Variants in ZNF709 observed in about 807,000 individuals in gnomAD.
The protein encoded by ZNF709 is zinc finger protein 709.
In ZNF709, 15 loss-of-function variants were observed where a neutral mutation model predicts 10.6. That is an observed-to-expected ratio of 1.41 (90% CI 0.95 to 2.18). The LOEUF (loss-of-function observed/expected upper bound fraction) is 2.18. ZNF709 is among the 30% of genes most tolerant of loss of function. The pLI, the probability that ZNF709 is intolerant of heterozygous loss-of-function variation, is 0.00. For missense variants in ZNF709, 589 were observed against 774.0 expected, an observed-to-expected ratio of 0.76 and a Z score of 2.84; for synonymous variants, 194 against 238.8, an observed-to-expected ratio of 0.81 and a Z score of 1.73.
In ZNF709 at chr19:12,484,747, G is replaced by C; in HGVS notation, c.-90C>G. On this transcript the variant is annotated 5_prime_UTR_variant, in exon 1 of 4. Coordinates refer to ENST00000397732, the MANE Select transcript of ZNF709 (RefSeq NM_152601.4). ...TCCACCTGAGGCCCTTCCTCCACCT[G>C]AGGGCCTTCTGGGGTGAGGAGACCC... 6.4e-7 allele frequency: 1 copy of C among 1,574,780 alleles called. No individual in the cohort carries two copies. Among genetic ancestry groups the C allele is most frequent in the Non-Finnish European group, 8.7e-7 (1 of 1,145,100 alleles).
intron 1 of ZNF709, among the ~76,000 whole-genome samples, chr19:12,468,656 T>TCC (rs1214014180): frequency 3.1e-5 from 3 of 95,546 alleles, no homozygotes; most frequent in Non-Finnish European, 6.3e-5. Flanking sequence ...CCCTGCCAAA[T>TCC]CCCCCTCTGC....
At chr19:12,479,702 C>T (rs1244018909) in intron 1 of ZNF709, among the ~76,000 whole-genome samples, 1 of 152,074 alleles carries the variant, frequency 6.6e-6, no homozygotes, top group Non-Finnish European at 1.5e-5. Context: ...AACCTCGTCT[C>T]TACTAAAATA....
rs1025771805 is a variant in ZNF709, at chr19:12,462,745, T to C, written c.*1251A>G. On this transcript the variant is annotated 3_prime_UTR_variant, in exon 4 of 4. Coordinates refer to ENST00000397732, the MANE Select transcript of ZNF709 (RefSeq NM_152601.4). ...TAAAAATTACCAAATTGTCATTTTT[T>C]GATGGCCCATTACAGCACAACTAAA... 6.6e-6 allele frequency: 1 copy of C among 152,174 alleles called. No individual in the cohort carries two copies. The highest frequency in any genetic ancestry group is 1.5e-5 in the Non-Finnish European group (1 of 68,032). The allele number at this position is 152,174 out of a possible 1,614,324, so 9.4% of individuals were successfully genotyped here.
At chr19:12,467,849 G>T (rs1970592080) in intron 1 of ZNF709, among the ~76,000 whole-genome samples, 1 of 151,810 alleles carries the variant, frequency 6.6e-6, no homozygotes, top group Non-Finnish European at 1.5e-5. Flanking sequence ...TCTGAGAAGT[G>T]AGGAGACCCT....
At chr19:12,467,051 G>C (rs8113309) in intron 1 of ZNF709, among the ~76,000 whole-genome samples, 115,562 of 152,140 alleles carry the variant, frequency 0.76, 44,213 homozygotes, top group Non-Finnish European at 0.79. Flanking sequence ...TACATTTTTA[G>C]TATGATCACT....
chr19:12,484,088 G>A (rs1439961711), intron 1 of ZNF709, among the ~76,000 whole-genome samples: 4 of 152,182 alleles, frequency 2.6e-5, no homozygotes, highest in Non-Finnish European at 4.4e-5. Context: ...AAAATACTGC[G>A]TCTGGTTGAA....
chr19:12,478,285 A>C (rs1226689639), intron 1 of ZNF709, among the ~76,000 whole-genome samples: 1 of 152,184 alleles, frequency 6.6e-6, no homozygotes, highest in African/African-American at 2.4e-5. Context: ...CAGGCCAAGA[A>C]ACACTACCCA....
At chr19:12,481,794 G>C (rs1970729313) in intron 1 of ZNF709, among the ~76,000 whole-genome samples, 1 of 151,670 alleles carries the variant, frequency 6.6e-6, no homozygotes, top group Non-Finnish European at 1.5e-5. Context: ...GTAGTCCTAG[G>C]TACTTGGGAA....
intron 1 of ZNF709, among the ~76,000 whole-genome samples, chr19:12,469,705 C>T (rs1340246602): frequency 6.6e-6 from 1 of 151,960 alleles, no homozygotes; most frequent in Non-Finnish European, 1.5e-5. Flanking sequence ...GGAGGCAGAG[C>T]TTGCAGTGAG....
chr19:12,484,608 A>T (rs1002781920), intron 1 of ZNF709, 47 bp downstream of exon 1: 1 of 1,595,552 alleles, frequency 6.3e-7, no homozygotes, highest in Non-Finnish European at 8.6e-7. Flanking sequence ...GCCGGTTTCA[A>T]CCCGCCCCTC....
chr19:12,465,778 A>T, intron 3 of ZNF709, 45 bp from the exon 4 acceptor site: 2 of 1,316,352 alleles, frequency 1.5e-6, no homozygotes, highest in South Asian at 3.8e-5. Flanking sequence ...GTGGCTTTTT[A>T]AAATTAATAA....
In ZNF709 at chr19:12,463,140, T is replaced by C. The variant is rs374733379; in HGVS notation, c.*856A>G. On this transcript the variant is annotated 3_prime_UTR_variant, in exon 4 of 4. Coordinates refer to ENST00000397732, the MANE Select transcript of ZNF709 (RefSeq NM_152601.4). ...CCCTAGTGGGAGTTTCAACATGAGA[T>C]TGAAGTTTCACACATAAGGGAGTAT... 6.6e-5 allele frequency: 10 copies of C among 152,226 alleles called. No homozygotes were observed. Among genetic ancestry groups the C allele is most frequent in the African/African-American group, 2.4e-4 (10 of 41,460 alleles). The allele number at this position is 152,226 out of a possible 1,614,324, so 9.4% of individuals were successfully genotyped here.
At chr19:12,474,215 G>A (rs1351075004) in intron 1 of ZNF709, among the ~76,000 whole-genome samples, 1 of 152,002 alleles carries the variant, frequency 6.6e-6, no homozygotes, top group African/African-American at 2.4e-5. Context: ...CCCTTCCCCT[G>A]CAAATTACCA....
At chr19:12,474,989 G>A (rs1970664065) in intron 1 of ZNF709, among the ~76,000 whole-genome samples, 1 of 152,086 alleles carries the variant, frequency 6.6e-6, no homozygotes, top group African/African-American at 2.4e-5. Flanking sequence ...CAGGCACAGT[G>A]GCTAACACCT....
intron 1 of ZNF709, among the ~76,000 whole-genome samples, chr19:12,477,169 G>A (rs2037574625): frequency 6.6e-6 from 1 of 152,144 alleles, no homozygotes; most frequent in East Asian, 1.9e-4. Context: ...ATCCATTGTG[G>A]GTTGCCATTC....
rs1970533461 is a variant in ZNF709, at chr19:12,463,476, T to TA, written c.*519dup. The TA allele has an allele frequency of 6.6e-6, 1 of 152,294 alleles. No individual in the cohort carries two copies. The highest frequency in any genetic ancestry group is 1.5e-5 in the Non-Finnish European group (1 of 68,068). The allele number at this position is 152,294 out of a possible 1,614,324, so 9.4% of individuals were successfully genotyped here. ...ACTTCATATGCCTTCTCATGGTCCTTAAAAGGTCATATGACCATTGAAGGT... is the reference window on the plus strand; with the variant it reads ...ACTTCATATGCCTTCTCATGGTCCTTAAAAAGGTCATATGACCATTGAAGGT... On this transcript the variant is annotated 3_prime_UTR_variant, in exon 4 of 4. Coordinates refer to ENST00000397732, the MANE Select transcript of ZNF709 (RefSeq NM_152601.4).
intron 1 of ZNF709, among the ~76,000 whole-genome samples, chr19:12,470,063 T>C (rs1970621896): frequency 1.3e-5 from 2 of 152,188 alleles, no homozygotes; most frequent in Admixed American, 1.3e-4. Flanking sequence ...CTTTCTCCAA[T>C]TTCAGAAAGA....
chr19:12,467,590 G>C (rs1201995408), intron 1 of ZNF709, among the ~76,000 whole-genome samples: 1 of 151,972 alleles, frequency 6.6e-6, no homozygotes, highest in Admixed American at 6.6e-5. Flanking sequence ...GAGCGTCTCT[G>C]CCTGGCCGCC....
rs4804704 is a variant in ZNF709, at chr19:12,475,065, C to T, written c.4-8215G>A. 8.1e-3 allele frequency among the ~76,000 whole-genome samples: 1,227 copies of T among 151,990 alleles called. 63 individuals carry two copies. Among genetic ancestry groups the T allele is most frequent in the Admixed American group, 0.07 (1,065 of 15,244 alleles). On this transcript the variant is annotated intron_variant, in intron 1 of 3. Transcript: ENST00000397732. ...CTGAGGTCGGGAGTTGGACACCAGCCTGTCCAAAGTGACAAAACCCTGTTT... is the reference window on the plus strand; with the variant it reads ...CTGAGGTCGGGAGTTGGACACCAGCTTGTCCAAAGTGACAAAACCCTGTTT...
Sources: gnomAD v4.1 joint callset for allele counts (sites outside exome capture counted in the v4.1 genomes callset) on GRCh38, gnomAD v4.1.1 for gene constraint, MANE v1.5 for transcripts, NCBI Gene and HGNC (gene_info 2026-07-23, HGNC 2026-07-21) for gene names.